The following CSMD1 variants were observed in gnomAD, a reference collection of about 807,000 sequenced individuals.
CSMD1 encodes CUB and Sushi multiple domains 1.
CSMD1 carries 213 observed loss-of-function variants against 417.5 expected under a neutral mutation model. The ratio of observed to expected loss-of-function variants is 0.51; its 90% CI spans 0.46 to 0.57. The LOEUF (loss-of-function observed/expected upper bound fraction) is 0.57. Among genes scored for constraint, CSMD1 ranks in the 20% least tolerant of loss-of-function variants. CSMD1 has a pLI of 0.00. For missense variants in CSMD1, 6,923 were observed against 4,529.7 expected (o/e 1.53, Z -15.17); for synonymous variants, 2,862 against 1,736.8 (o/e 1.65, Z -16.11).
intron 7 of CSMD1, among the ~76,000 whole-genome samples, chr8:3,651,250 G>A (rs924267375): frequency 6.6e-5 from 10 of 152,030 alleles, no homozygotes; most frequent in Admixed American, 2.0e-4. Context: ...TCACCCCTTT[G>A]GTTGAAACAC....
At chr8:3,414,379 T>C (rs901848196) in intron 12 of CSMD1, among the ~76,000 whole-genome samples, 4 of 152,092 alleles carry the variant, frequency 2.6e-5, no homozygotes, top group African/African-American at 7.2e-5. Flanking sequence ...CCTCCCTCTC[T>C]TCCCCAAAAT....
intron 18 of CSMD1, among the ~76,000 whole-genome samples, chr8:3,383,091 G>C (rs532099021): frequency 9.9e-6 from 1 of 100,726 alleles, no homozygotes; most frequent in Non-Finnish European, 2.2e-5. Flanking sequence ...ACACTACATC[G>C]TTCCTTACCA....
chr8:4,223,203 G>C (rs868700048), intron 3 of CSMD1, among the ~76,000 whole-genome samples: 29 of 151,576 alleles, frequency 1.9e-4, no homozygotes, highest in African/African-American at 6.3e-4. Flanking sequence ...TCTGCACCCC[G>C]AGAAAAGCCA....
intron 5 of CSMD1, among the ~76,000 whole-genome samples, chr8:3,955,281 G>A (rs371494753): frequency 4.6e-5 from 7 of 152,254 alleles, no homozygotes; most frequent in Middle Eastern, 3.4e-3. Flanking sequence ...AAAGAGGCAT[G>A]CAGTGTCAAC....
chr8:4,923,695 G>A (rs1006945602), intron 1 of CSMD1, among the ~76,000 whole-genome samples: 3 of 152,220 alleles, frequency 2.0e-5, no homozygotes, highest in East Asian at 3.9e-4. Context: ...CACTCAGTGG[G>A]ACTATCAGTG....
chr8:2,978,744 T>G lies in CSMD1; in HGVS notation c.8434A>C (p.Asn2812His), dbSNP rs201457397. Reference sequence around the variant, plus strand: ...CCATACTCAAAACTCTCAGGGAAGTTCTGTTGCCCGTGACGAATGGCATTT... The same window carrying G: ...CCATACTCAAAACTCTCAGGGAAGTGCTGTTGCCCGTGACGAATGGCATTT... ...VENAIRHGQQ[N>H]FPESFEYGMS... The change falls in exon 55 of 70, where the codon AAC (asparagine) becomes CAC (histidine). Residue 2812 changes from asparagine to histidine, a missense_variant. Coordinates refer to ENST00000635120, the MANE Select transcript of CSMD1 (RefSeq NM_033225.6). The G allele has an allele frequency of 2.3e-5, 37 of 1,613,506 alleles. No individual in the cohort carries two copies. Among genetic ancestry groups the G allele is most frequent in the Middle Eastern group, 3.3e-4 (2 of 6,084 alleles).
chr8:3,033,688 G>C (rs578193270), intron 50 of CSMD1, among the ~76,000 whole-genome samples: 42 of 150,278 alleles, frequency 2.8e-4, no homozygotes, highest in African/African-American at 1.0e-3. Context: ...GACGGGTGCA[G>C]CAAACCACCA....
At chr8:4,465,123 C>T (rs1405775068) in intron 2 of CSMD1, among the ~76,000 whole-genome samples, 1 of 152,140 alleles carries the variant, frequency 6.6e-6, no homozygotes, top group Non-Finnish European at 1.5e-5. Flanking sequence ...TTAATTTTCC[C>T]ATCTAAGGCT....
chr8:3,818,646 C>A (rs971887317), intron 5 of CSMD1, among the ~76,000 whole-genome samples: 22 of 152,114 alleles, frequency 1.4e-4, no homozygotes, highest in African/African-American at 4.6e-4. Flanking sequence ...AAGGGATGCC[C>A]GGCATCGTCT....
intron 40 of CSMD1, among the ~76,000 whole-genome samples, chr8:3,150,788 A>G (rs769390552): frequency 1.8e-4 from 27 of 152,308 alleles, no homozygotes; most frequent in Non-Finnish European, 3.7e-4. Flanking sequence ...GAGGGGATCA[A>G]AATTTCACAA....
intron 3 of CSMD1, among the ~76,000 whole-genome samples, chr8:4,202,854 T>C (rs989851387): frequency 2.6e-5 from 4 of 152,154 alleles, no homozygotes; most frequent in Middle Eastern, 3.2e-3. Flanking sequence ...AAACATCAAA[T>C]GCAGGTACCT....
chr8:2,981,658 G>T (rs774264428), intron 54 of CSMD1, among the ~76,000 whole-genome samples: 57 of 152,268 alleles, frequency 3.7e-4, no homozygotes, highest in Non-Finnish European at 7.2e-4. Context: ...CAGCTGGAAG[G>T]AATGAGAACA....
At chr8:4,048,564 G>T (rs1052703615) in intron 3 of CSMD1, among the ~76,000 whole-genome samples, 1 of 152,160 alleles carries the variant, frequency 6.6e-6, no homozygotes, top group African/African-American at 2.4e-5. Flanking sequence ...GCCAGGATTT[G>T]ACCTGAGGTG....
At chr8:3,769,868 A>G (rs1017514244) in intron 5 of CSMD1, among the ~76,000 whole-genome samples, 3 of 152,236 alleles carry the variant, frequency 2.0e-5, no homozygotes, top group African/African-American at 7.2e-5. Context: ...AGAAAAACGT[A>G]TGTGTCAGAA....
At chr8:4,043,625 C>T (rs761687466) in intron 3 of CSMD1, among the ~76,000 whole-genome samples, 14 of 152,208 alleles carry the variant, frequency 9.2e-5, no homozygotes, top group Non-Finnish European at 1.5e-4. Context: ...TTTCAAAAGA[C>T]GAAATGCATT....
intron 5 of CSMD1, among the ~76,000 whole-genome samples, chr8:3,977,640 G>C (rs1340340148): frequency 6.6e-6 from 1 of 152,178 alleles, no homozygotes; most frequent in Non-Finnish European, 1.5e-5. Flanking sequence ...ACTCTTGAGA[G>C]AAATCTGGAA....
At chr8:4,015,455 G>C (rs750871039) in intron 4 of CSMD1, among the ~76,000 whole-genome samples, 1 of 151,964 alleles carries the variant, frequency 6.6e-6, no homozygotes, top group Non-Finnish European at 1.5e-5. Context: ...GCCATTTCCA[G>C]TCACATTACG....
chr8:3,960,114 G>T (rs550680864), intron 5 of CSMD1, among the ~76,000 whole-genome samples: 13 of 152,272 alleles, frequency 8.5e-5, no homozygotes, highest in Non-Finnish European at 1.9e-4. Context: ...AACACAGGTT[G>T]TTCAAAATGA....
At chr8:4,874,128 T>G (rs527345613) in intron 1 of CSMD1, among the ~76,000 whole-genome samples, 1 of 152,232 alleles carries the variant, frequency 6.6e-6, no homozygotes, top group Non-Finnish European at 1.5e-5. Flanking sequence ...CCTCAGCTAC[T>G]GATAGATAAC....
Sources: gnomAD v4.1 joint callset for allele counts (sites outside exome capture counted in the v4.1 genomes callset) on GRCh38, gnomAD v4.1.1 for gene constraint, MANE v1.5 for transcripts, NCBI Gene and HGNC (gene_info 2026-07-23, HGNC 2026-07-21) for gene names.